Variants in CDH19 observed in about 807,000 individuals in gnomAD.
The protein encoded by CDH19 is cadherin 19.
CDH19 carries 67 observed loss-of-function variants against 64.2 expected under a neutral mutation model. The observed-to-expected ratio is 1.04, with a 90% CI of 0.86 to 1.28. CDH19 has a LOEUF of 1.28. Among genes scored for constraint, CDH19 ranks in the 50% most tolerant of loss-of-function variants. The probability of loss-of-function intolerance (pLI) is 0.00; values close to 1 mark genes in which losing one functional copy is unlikely to be tolerated. For synonymous variants in CDH19, 346 were observed against 319.3 expected, an observed-to-expected ratio of 1.08 and a Z score of -0.89; for missense variants, 1,030 against 929.0, an observed-to-expected ratio of 1.11 and a Z score of -1.41.
At chr18:66,556,303 A>T (rs1206225386) in intron 3 of CDH19, among the ~76,000 whole-genome samples, 1 of 151,788 alleles carries the variant, frequency 6.6e-6, no homozygotes. Flanking sequence ...CTACTCACTC[A>T]TCACAAATCT....
chr18:66,591,831 A>G (rs1033868971), intron 1 of CDH19, among the ~76,000 whole-genome samples: 1 of 151,834 alleles, frequency 6.6e-6, no homozygotes, highest in Non-Finnish European at 1.5e-5. Flanking sequence ...TCTGGACATA[A>G]TATCTTCAGA....
rs1253095200 is a variant in CDH19, at chr18:66,504,498, A to G, written c.*314T>C. 4.5e-6 allele frequency: 1 copy of G among 222,378 alleles called. No homozygotes were observed. The highest frequency in any genetic ancestry group is 9.4e-5 in the East Asian group (1 of 10,630). The allele number at this position is 222,378 out of a possible 1,614,324, so 13.8% of individuals were successfully genotyped here. ...ATTTTTACTCTTTCCTAAGTAAATAATGATATAATCGCATAAGGATCGACT... is the reference window on the plus strand; with the variant it reads ...ATTTTTACTCTTTCCTAAGTAAATAGTGATATAATCGCATAAGGATCGACT... On this transcript the variant is annotated 3_prime_UTR_variant, in exon 12 of 12. Transcript: ENST00000262150.
chr18:66,563,578 T>A (rs1289857891), intron 3 of CDH19, among the ~76,000 whole-genome samples: 1 of 152,016 alleles, frequency 6.6e-6, no homozygotes, highest in Admixed American at 6.6e-5. Context: ...GATCAAATGA[T>A]CAAATACATG....
intron 1 of CDH19, among the ~76,000 whole-genome samples, chr18:66,583,737 A>C (rs750168373): frequency 6.6e-6 from 1 of 152,144 alleles, no homozygotes; most frequent in African/African-American, 2.4e-5. Context: ...TCTTTGACAA[A>C]AACAAGCAAT....
intron 10 of CDH19, among the ~76,000 whole-genome samples, chr18:66,510,152 A>T (rs1452370396): frequency 1.3e-5 from 2 of 151,818 alleles, no homozygotes; most frequent in Non-Finnish European, 2.9e-5. Flanking sequence ...AGACAATAGC[A>T]GTAAAAGGAA....
intron 3 of CDH19, among the ~76,000 whole-genome samples, chr18:66,558,523 T>C (rs563867906): frequency 3.3e-5 from 5 of 151,938 alleles, no homozygotes; most frequent in African/African-American, 9.6e-5. Context: ...CCTCAAGAAA[T>C]AGTCAAGTAA....
intron 3 of CDH19, among the ~76,000 whole-genome samples, chr18:66,561,884 T>C (rs973396949): frequency 6.6e-6 from 1 of 152,124 alleles, no homozygotes; most frequent in Non-Finnish European, 1.5e-5. Context: ...TTTGCATTAC[T>C]CTGGAGAGAC....
chr18:66,581,816 C>T (rs542083151), intron 1 of CDH19, among the ~76,000 whole-genome samples: 1 of 152,156 alleles, frequency 6.6e-6, no homozygotes, highest in African/African-American at 2.4e-5. Flanking sequence ...CACCTTGTAT[C>T]CGTGTGAGTT....
At chr18:66,513,567 A>G (rs1411684677) in intron 9 of CDH19, among the ~76,000 whole-genome samples, 4 of 151,436 alleles carry the variant, frequency 2.6e-5, no homozygotes, top group South Asian at 2.1e-4. Context: ...TAATATGCTA[A>G]TAAGTTTTGA....
At chr18:66,556,234 T>C (rs774551319) in intron 3 of CDH19, among the ~76,000 whole-genome samples, 4 of 151,712 alleles carry the variant, frequency 2.6e-5, no homozygotes, top group Non-Finnish European at 5.9e-5. Context: ...AAGCAAATTA[T>C]ATCTATCATC....
chr18:66,554,642 A>G, intron 3 of CDH19, 118 bp from the exon 4 acceptor site: 1 of 691,266 alleles, frequency 1.4e-6, no homozygotes, highest in Admixed American at 3.2e-5. Context: ...AGCTCAATTC[A>G]CCTCCTTGTT....
chr18:66,567,647 T>C (rs1987958121), intron 3 of CDH19, among the ~76,000 whole-genome samples: 1 of 151,892 alleles, frequency 6.6e-6, no homozygotes, highest in Non-Finnish European at 1.5e-5. Flanking sequence ...GGTAAAGTAG[T>C]TATAAGCATG....
intron 1 of CDH19, among the ~76,000 whole-genome samples, chr18:66,578,955 A>G (rs1285715642): frequency 2.0e-5 from 3 of 151,938 alleles, no homozygotes; most frequent in African/African-American, 7.2e-5. Context: ...GACTGAAATC[A>G]GACTAAGAAC....
chr18:66,502,510 C>T lies in CDH19; in HGVS notation c.*2302G>A, dbSNP rs536357741. On this transcript the variant is annotated 3_prime_UTR_variant, in exon 12 of 12. Transcript: ENST00000262150. ...CCAGAAAGCCTTATTTACTTTTTCTCGTCTATTTTCCATGAATTCTTCCAT... is the reference window on the plus strand; with the variant it reads ...CCAGAAAGCCTTATTTACTTTTTCTTGTCTATTTTCCATGAATTCTTCCAT... The T allele has an allele frequency of 5.3e-5, 8 of 152,000 alleles. No homozygotes were observed. The highest frequency in any genetic ancestry group is 1.2e-4 in the African/African-American group (5 of 41,536). 9.4% of individuals were successfully genotyped at this position (152,000 alleles called of 1,614,324 possible).
At chr18:66,546,249 T>G (rs1444872882) in intron 5 of CDH19, among the ~76,000 whole-genome samples, 1 of 152,166 alleles carries the variant, frequency 6.6e-6, no homozygotes. Context: ...TGTTAATTTT[T>G]AAGAGCTAAT....
intron 9 of CDH19, among the ~76,000 whole-genome samples, chr18:66,522,452 G>A (rs981747805): frequency 1.3e-5 from 2 of 152,022 alleles, no homozygotes; most frequent in African/African-American, 4.8e-5. Context: ...GGTGCGCCAT[G>A]TTGGCCAGGC....
At chr18:66,529,750 T>A (rs928347974) in intron 9 of CDH19, 95 bp downstream of exon 9, 24 of 428,498 alleles carry the variant, frequency 5.6e-5, no homozygotes, top group African/African-American at 4.8e-4. Context: ...TGTTGATATC[T>A]ATTATATAAC....
rs1276702821 is a variant in CDH19, at chr18:66,529,350, G to A, written c.1458+495C>T. ...TGAATAAAAAAAAAAAAACTTAAAT[G>A]TGACTAACCTATAGAATTAATTTTT... On this transcript the variant is annotated intron_variant, in intron 9 of 11. Transcript: ENST00000262150. Among the ~76,000 whole-genome samples the A allele has an allele frequency of 2.7e-5, 4 of 150,096 alleles. 1 individual carries two copies. The highest frequency in any genetic ancestry group is 5.9e-5 in the Non-Finnish European group (4 of 67,456).
At chr18:66,505,371 CT>C in intron 11 of CDH19, 69 bp from the exon 12 acceptor site, 3 of 1,219,424 alleles carry the variant, frequency 2.5e-6, no homozygotes, top group Non-Finnish European at 3.3e-6. Context: ...AGTCTTTGCT[CT>C]CATTTCAAGC....
Sources: allele counts gnomAD v4.1 joint callset (sites outside exome capture counted in the v4.1 genomes callset), GRCh38; gene constraint gnomAD v4.1.1; transcripts MANE v1.5; gene names NCBI Gene and HGNC (gene_info 2026-07-23, HGNC 2026-07-21).